ABLIM1: variants seen among roughly 807,000 people sequenced by gnomAD.
ABLIM1 encodes actin binding LIM protein 1.
Under a neutral mutation model 107.0 loss-of-function variants are expected in ABLIM1, and 40 were observed. The ratio of observed to expected loss-of-function variants is 0.37; its 90% CI spans 0.29 to 0.49. The LOEUF is 0.49. Among genes scored for constraint, ABLIM1 ranks in the 20% least tolerant of loss-of-function variants. The pLI, the probability that ABLIM1 is intolerant of heterozygous loss-of-function variation, is 0.97. For missense variants in ABLIM1, 857 were observed against 1,008.5 expected (o/e 0.85, Z 2.04); for synonymous variants, 357 against 357.3 (o/e 1.00, Z 0.01).
chr10:114,589,523 T>A (rs1398016352), intron 2 of ABLIM1, among the ~76,000 whole-genome samples: 2 of 149,444 alleles, frequency 1.3e-5, no homozygotes. Context: ...AGTGAGACTC[T>A]GTCTCAAAAA....
At chr10:114,653,574 A>C (rs553580994) in intron 1 of ABLIM1, among the ~76,000 whole-genome samples, 1 of 152,336 alleles carries the variant, frequency 6.6e-6, no homozygotes, top group Non-Finnish European at 1.5e-5. Context: ...AAAGACACTT[A>C]TCACAATGTT....
intron 1 of ABLIM1, 93 bp downstream of exon 1, chr10:114,657,864 A>G (rs2079597867): frequency 1.8e-6 from 2 of 1,081,410 alleles, no homozygotes; most frequent in South Asian, 1.6e-5. Context: ...TCCTTTGAAG[A>G]ACACATTACA....
chr10:114,502,011 T>C (rs2135599647), intron 6 of ABLIM1: 1 of 152,626 alleles, frequency 6.6e-6, no homozygotes. Context: ...TATTATTTAT[T>C]GACATAGGTG....
chr10:114,470,864 T>G (rs569198045), intron 10 of ABLIM1, among the ~76,000 whole-genome samples: 1 of 152,062 alleles, frequency 6.6e-6, no homozygotes, highest in Non-Finnish European at 1.5e-5. Context: ...TCTTTTTTTG[T>G]GGTGGTGGTT....
intron 1 of ABLIM1, among the ~76,000 whole-genome samples, chr10:114,641,889 T>C (rs1198601923): frequency 6.6e-6 from 1 of 151,922 alleles, no homozygotes; most frequent in Non-Finnish European, 1.5e-5. Context: ...TTGTTTTGTT[T>C]TGTTTTGTTT....
chr10:114,668,062 C>T (rs1387522033), intron 1 of ABLIM1, among the ~76,000 whole-genome samples: 2 of 149,226 alleles, frequency 1.3e-5, no homozygotes. Flanking sequence ...GTAGGCAGTA[C>T]TAGGGGATGG....
intron 10 of ABLIM1, among the ~76,000 whole-genome samples, chr10:114,470,847 C>CT (rs10692424): frequency 4.6e-5 from 7 of 151,450 alleles, no homozygotes; most frequent in African/African-American, 1.7e-4. Flanking sequence ...TCTGGTTTTT[C>CT]TTTTTTTCTT....
Position 114,575,510 on chromosome 10 carries a change from G to C in ABLIM1, c.469C>G (p.Arg157Gly). ...ACGAACTCCCCACAGCCATGGCAGC[G>C]TGTCCCGTACATCCGCTGGTAGTCC... ...TLDYQRMYGT[R>G]CHGCGEFVEG... Residue 157 changes from arginine (R) to glycine (G), a missense_variant, in exon 3 of 23, where the codon CGC (arginine) becomes GGC (glycine). By Grantham distance (125) the Arg-to-Gly change is moderately radical. Around this residue, in one of 5 missense-constraint regions of ABLIM1, gnomAD observed 381 missense variants for 506.9 expected, o/e 0.75. Transcript: ENST00000533213. 4 of 1,614,196 alleles carry C rather than the reference G, an allele frequency of 2.5e-6. No homozygotes were observed. Among genetic ancestry groups the C allele is most frequent in the Non-Finnish European group, 3.4e-6 (4 of 1,180,030 alleles).
At chr10:114,538,732 T>C (rs1192360018) in intron 6 of ABLIM1, among the ~76,000 whole-genome samples, 1 of 152,228 alleles carries the variant, frequency 6.6e-6, no homozygotes, top group African/African-American at 2.4e-5. Context: ...AACAAAAGAA[T>C]GCTCCCGTGC....
intron 4 of ABLIM1, among the ~76,000 whole-genome samples, chr10:114,555,225 A>G (rs1459348089): frequency 6.6e-6 from 1 of 152,168 alleles, no homozygotes; most frequent in Non-Finnish European, 1.5e-5. Flanking sequence ...CTGTTATCTC[A>G]GTTTACCTTA....
intron 1 of ABLIM1, among the ~76,000 whole-genome samples, chr10:114,627,818 C>G (rs1321760201): frequency 6.6e-6 from 1 of 152,166 alleles, no homozygotes; most frequent in East Asian, 1.9e-4. Flanking sequence ...GATTGACTTT[C>G]CATACAAATT....
At chr10:114,589,239 C>T (rs145054861) in intron 2 of ABLIM1, among the ~76,000 whole-genome samples, 1,599 of 141,526 alleles carry the variant, frequency 0.011, 25 homozygotes, top group African/African-American at 0.039. Flanking sequence ...TTTTAAGAGA[C>T]AGGGTCTTTG....
intron 17 of ABLIM1, among the ~76,000 whole-genome samples, chr10:114,443,162 G>C (rs2060444718): frequency 6.6e-6 from 1 of 152,174 alleles, no homozygotes. Flanking sequence ...GAATATGAGA[G>C]AAGAAATCTT....
At chr10:114,657,005 C>A (rs1285622426) in intron 1 of ABLIM1, among the ~76,000 whole-genome samples, 1 of 152,174 alleles carries the variant, frequency 6.6e-6, no homozygotes, top group Non-Finnish European at 1.5e-5. Flanking sequence ...TGTAACATAT[C>A]AGTTGCATAC....
At chr10:114,512,855 A>AAGGAAG (rs2062102761) in intron 6 of ABLIM1, among the ~76,000 whole-genome samples, 1 of 51,258 alleles carries the variant, frequency 2.0e-5, no homozygotes, top group Admixed American at 2.1e-4. Context: ...AAGGAAGGAA[A>AAGGAAG]GAAGGAAGGA....
At chr10:114,723,108 T>C (rs946571133) in intron 1 of ABLIM1, among the ~76,000 whole-genome samples, 2 of 152,214 alleles carry the variant, frequency 1.3e-5, no homozygotes, top group Admixed American at 6.5e-5. Flanking sequence ...ATCCACTGAA[T>C]AAATGAATGC....
chr10:114,572,964 C>A (rs2138852649), intron 3 of ABLIM1, among the ~76,000 whole-genome samples: 1 of 152,308 alleles, frequency 6.6e-6, no homozygotes, highest in East Asian at 1.9e-4. Flanking sequence ...GCTTACCCCA[C>A]CCAAGCCCAA....
chr10:114,502,894 A>G (rs2060618676), intron 6 of ABLIM1, among the ~76,000 whole-genome samples: 3 of 152,226 alleles, frequency 2.0e-5, no homozygotes, highest in South Asian at 2.1e-4. Context: ...CATTATCTGC[A>G]CTAAGAAACC....
intron 5 of ABLIM1, among the ~76,000 whole-genome samples, chr10:114,546,101 G>C (rs1229608355): frequency 6.6e-6 from 1 of 151,934 alleles, no homozygotes; most frequent in African/African-American, 2.4e-5. Flanking sequence ...GCCTCCTTCA[G>C]CTCAGTCAAC....
Sources: allele counts gnomAD v4.1 joint callset (sites outside exome capture counted in the v4.1 genomes callset), GRCh38; gene constraint gnomAD v4.1.1; regional missense constraint gnomAD v4.1.1; transcripts MANE v1.5; gene names NCBI Gene and HGNC (gene_info 2026-07-23, HGNC 2026-07-21).